The following BNC2 variants were observed in gnomAD, a reference collection of about 807,000 sequenced individuals.
BNC2 encodes basonuclin zinc finger protein 2.
BNC2 carries 20 observed loss-of-function variants against 76.3 expected under a neutral mutation model. That is an observed-to-expected ratio of 0.26 (90% confidence interval 0.18 to 0.38). The LOEUF is 0.38. Among genes scored for constraint, BNC2 ranks in the 10% least tolerant of loss-of-function variants. The pLI is 1.00. For missense variants in BNC2, 1,382 were observed against 1,399.8 expected, an observed-to-expected ratio of 0.99 and a Z score of 0.20; for synonymous variants, 582 against 514.8, an observed-to-expected ratio of 1.13 and a Z score of -1.77.
chr9:16,462,767 T>C (rs900144782), intron 5 of BNC2, among the ~76,000 whole-genome samples: 2 of 152,200 alleles, frequency 1.3e-5, no homozygotes, highest in Non-Finnish European at 2.9e-5. Flanking sequence ...GTCTTCACAT[T>C]GTCCTCCTTT....
chr9:16,813,576 A>C (rs1217383684), intron 1 of BNC2, among the ~76,000 whole-genome samples: 17 of 152,098 alleles, frequency 1.1e-4, no homozygotes, highest in Admixed American at 1.1e-3. Context: ...AAAAACCATT[A>C]TTTTTAGAGT....
intron 5 of BNC2, among the ~76,000 whole-genome samples, chr9:16,505,416 G>C (rs1349383066): frequency 6.6e-6 from 1 of 152,182 alleles, no homozygotes; most frequent in Non-Finnish European, 1.5e-5. Context: ...CCAACACTAA[G>C]ACTGGCTATC....
chr9:16,634,092 TC>T (rs1821246076), intron 3 of BNC2, among the ~76,000 whole-genome samples: 1 of 152,156 alleles, frequency 6.6e-6, no homozygotes, highest in Non-Finnish European at 1.5e-5. Flanking sequence ...AACAAACTGT[TC>T]CACAAGACTC....
chr9:16,778,326 A>G (rs533110835), intron 1 of BNC2, among the ~76,000 whole-genome samples: 2 of 152,344 alleles, frequency 1.3e-5, no homozygotes, highest in African/African-American at 2.4e-5. Flanking sequence ...GAGGTATTAG[A>G]GCAGTGACAA....
In BNC2 at chr9:16,552,427, G is replaced by T. The variant is rs988928502; in HGVS notation, c.669+103C>A. The T allele has an allele frequency of 4.0e-5, 38 of 944,234 alleles. No individual in the cohort carries two copies. The South Asian group carries it at 5.0e-4, about 12-fold the overall frequency. 58.5% of individuals were successfully genotyped at this position (944,234 alleles called of 1,614,324 possible). The stretch of plus-strand genomic sequence containing the variant: ...CCTGCTGAAACGACCACTTTAACCA[G>T]AGGAGGGTGTGCAGCCCTTCCTGCG... On this transcript the variant is annotated intron_variant, in intron 5 of 6. Transcript: ENST00000380672.
At chr9:16,480,947 A>C (rs1808903007) in intron 5 of BNC2, among the ~76,000 whole-genome samples, 1 of 152,208 alleles carries the variant, frequency 6.6e-6, no homozygotes, top group South Asian at 2.1e-4. Flanking sequence ...TGCGGGATCC[A>C]CTGGGTGAAG....
intron 1 of BNC2, among the ~76,000 whole-genome samples, chr9:16,810,213 C>T (rs1032957437): frequency 6.6e-6 from 1 of 152,194 alleles, no homozygotes; most frequent in Non-Finnish European, 1.5e-5. Context: ...CTAGGGCCCA[C>T]TGTTATGCAA....
intron 3 of BNC2, among the ~76,000 whole-genome samples, chr9:16,715,273 C>G (rs1408109252): frequency 2.0e-5 from 3 of 152,144 alleles, no homozygotes. Flanking sequence ...TTTGCCCACA[C>G]AGGTGATTTT....
chr9:16,677,910 T>C (rs1822700544), intron 3 of BNC2, among the ~76,000 whole-genome samples: 2 of 152,214 alleles, frequency 1.3e-5, no homozygotes, highest in African/African-American at 4.8e-5. Context: ...GTAACCTAAA[T>C]TTTATAATTT....
chr9:16,637,660 C>A (rs1475692220), intron 3 of BNC2, among the ~76,000 whole-genome samples: 1 of 152,214 alleles, frequency 6.6e-6, no homozygotes, highest in Non-Finnish European at 1.5e-5. Flanking sequence ...GCAGCAGCCT[C>A]ATGTATTTCA....
intron 1 of BNC2, among the ~76,000 whole-genome samples, chr9:16,775,042 T>G (rs1825926709): frequency 6.6e-6 from 1 of 152,242 alleles, no homozygotes; most frequent in Non-Finnish European, 1.5e-5. Flanking sequence ...TAGGTTCCTT[T>G]AGAACAGTTG....
chr9:16,768,802 C>T (rs1038313634), intron 1 of BNC2, among the ~76,000 whole-genome samples: 11 of 152,136 alleles, frequency 7.2e-5, no homozygotes, highest in African/African-American at 9.6e-5. Flanking sequence ...TTATCAAAAG[C>T]GATATATGAC....
At chr9:16,476,939 A>T (rs2131447617) in intron 5 of BNC2, among the ~76,000 whole-genome samples, 1 of 152,228 alleles carries the variant, frequency 6.6e-6, no homozygotes, top group African/African-American at 2.4e-5. Flanking sequence ...GAACATTAGC[A>T]GGGAGGGTGT....
At chr9:16,445,644 A>C (rs1413723355) in intron 5 of BNC2, among the ~76,000 whole-genome samples, 2 of 152,164 alleles carry the variant, frequency 1.3e-5, no homozygotes, top group Admixed American at 6.5e-5. Context: ...TCTCCTCTCT[A>C]GGACAGGGAT....
chr9:16,672,304 T>C (rs1822501360), intron 3 of BNC2, among the ~76,000 whole-genome samples: 1 of 152,176 alleles, frequency 6.6e-6, no homozygotes, highest in African/African-American at 2.4e-5. Context: ...CAGACGGTCC[T>C]GGCTAACACG....
chr9:16,591,482 A>T (rs1819927237), intron 3 of BNC2, among the ~76,000 whole-genome samples: 1 of 152,190 alleles, frequency 6.6e-6, no homozygotes, highest in Admixed American at 6.6e-5. Context: ...TCTAATTCTG[A>T]CCATGAGAGT....
chr9:16,767,498 C>T (rs1169936628), intron 1 of BNC2, among the ~76,000 whole-genome samples: 2 of 152,088 alleles, frequency 1.3e-5, no homozygotes, highest in Admixed American at 6.6e-5. Context: ...TGAGCCTTTC[C>T]GGAGATCAAT....
chr9:16,772,871 T>C (rs1825866493), intron 1 of BNC2, among the ~76,000 whole-genome samples: 1 of 152,166 alleles, frequency 6.6e-6, no homozygotes, highest in Admixed American at 6.5e-5. Context: ...TGGAGAAACA[T>C]ACAACAACAC....
At chr9:16,762,604 C>G (rs555775414) in intron 1 of BNC2, among the ~76,000 whole-genome samples, 2 of 152,266 alleles carry the variant, frequency 1.3e-5, no homozygotes, top group South Asian at 4.1e-4. Flanking sequence ...CCATTTGTCT[C>G]AATTTTCTAT....
Sources: allele counts gnomAD v4.1 joint callset (sites outside exome capture counted in the v4.1 genomes callset), GRCh38; gene constraint gnomAD v4.1.1; transcripts MANE v1.5; gene names NCBI Gene and HGNC (gene_info 2026-07-23, HGNC 2026-07-21).